CDK6: variants seen among roughly 807,000 people sequenced by gnomAD.
CDK6 encodes cyclin dependent kinase 6.
In CDK6, 6 loss-of-function variants were observed where a neutral mutation model predicts 37.1. The ratio of observed to expected loss-of-function variants is 0.16; its 90% CI spans 0.09 to 0.32. The LOEUF (loss-of-function observed/expected upper bound fraction) is 0.32. CDK6 is among the 10% of genes least tolerant of loss of function. The pLI, the probability that CDK6 is intolerant of heterozygous loss-of-function variation, is 1.00. For missense variants in CDK6, 224 were observed against 418.9 expected (o/e 0.53, Z 4.06); for synonymous variants, 160 against 161.3 (o/e 0.99, Z 0.06).
intron 3 of CDK6, among the ~76,000 whole-genome samples, chr7:92,760,228 T>C (rs140629958): frequency 4.6e-5 from 7 of 152,322 alleles, no homozygotes; most frequent in African/African-American, 1.7e-4. Context: ...TATTTAATGG[T>C]AAAATGTTTG....
In CDK6 at chr7:92,827,466, C is replaced by T. The variant is rs186813993; in HGVS notation, c.233+5625G>A. Among the ~76,000 whole-genome samples, 32 of 152,258 alleles carry T rather than the reference C, an allele frequency of 2.1e-4. No homozygotes were observed. In the East Asian group the frequency reaches 6.0e-3, roughly 28 times the overall value. ...CCTGCCACATGCCTTGCAGTCCCTCCGGTTCACCTCTCAGGCAAGAGCAGC... is the reference window on the plus strand; with the variant it reads ...CCTGCCACATGCCTTGCAGTCCCTCTGGTTCACCTCTCAGGCAAGAGCAGC... On this transcript the variant is annotated intron_variant, in intron 2 of 7. Coordinates refer to ENST00000424848, the MANE Select transcript of CDK6 (RefSeq NM_001145306.2).
intron 2 of CDK6, among the ~76,000 whole-genome samples, chr7:92,815,120 G>A (rs533768679): frequency 3.4e-4 from 51 of 152,178 alleles, no homozygotes; most frequent in Non-Finnish European, 6.5e-4. Flanking sequence ...ATTCAGGGGA[G>A]TCAACTAAAT....
intron 2 of CDK6, among the ~76,000 whole-genome samples, chr7:92,777,807 A>G (rs1312379014): frequency 6.6e-6 from 1 of 152,206 alleles, no homozygotes; most frequent in African/African-American, 2.4e-5. Flanking sequence ...CATTGAATAT[A>G]TAAATTACTT....
At chr7:92,670,804 C>A (rs1797056084) in intron 5 of CDK6, among the ~76,000 whole-genome samples, 1 of 152,228 alleles carries the variant, frequency 6.6e-6, no homozygotes, top group Admixed American at 6.5e-5. Context: ...CCCCAATCCA[C>A]TCTTCAGATA....
intron 2 of CDK6, among the ~76,000 whole-genome samples, chr7:92,792,033 G>T (rs1800296814): frequency 6.6e-6 from 1 of 152,122 alleles, no homozygotes; most frequent in African/African-American, 2.4e-5. Context: ...GTGTCACTTG[G>T]AAATACTACT....
intron 2 of CDK6, among the ~76,000 whole-genome samples, chr7:92,788,608 C>T (rs1336763460): frequency 6.6e-6 from 1 of 152,128 alleles, no homozygotes; most frequent in African/African-American, 2.4e-5. Context: ...ATTATGATCA[C>T]TTATTTGAGT....
chr7:92,647,028 C>T (rs1456327603), intron 5 of CDK6, among the ~76,000 whole-genome samples: 1 of 152,134 alleles, frequency 6.6e-6, no homozygotes, highest in Non-Finnish European at 1.5e-5. Flanking sequence ...TTGAAAAAGG[C>T]AAGGAGCAAA....
At chr7:92,819,274 T>A (rs1052294880) in intron 2 of CDK6, among the ~76,000 whole-genome samples, 1 of 152,028 alleles carries the variant, frequency 6.6e-6, no homozygotes, top group African/African-American at 2.4e-5. Flanking sequence ...ACACTATCAA[T>A]GAAAGCCAGA....
rs578123537 is a variant in CDK6, at chr7:92,609,272, T to C, written c.*5868A>G. On this transcript the variant is annotated 3_prime_UTR_variant, in exon 8 of 8. Coordinates refer to ENST00000424848, the MANE Select transcript of CDK6 (RefSeq NM_001145306.2). ...CCTACTAAATTTCAAGTGACACTGC[T>C]GTGAGAAAGGTGACCTCTAAAATTA... 4.9e-4 allele frequency: 114 copies of C among 232,774 alleles called. No individual in the cohort carries two copies. Among genetic ancestry groups the C allele is most frequent in the African/African-American group, 2.2e-3 (102 of 45,438 alleles). The allele number at this position is 232,774 out of a possible 1,614,324, so 14.4% of individuals were successfully genotyped here.
intron 2 of CDK6, among the ~76,000 whole-genome samples, chr7:92,780,308 C>G (rs1049510913): frequency 6.6e-6 from 1 of 152,140 alleles, no homozygotes; most frequent in African/African-American, 2.4e-5. Flanking sequence ...TCATATACAA[C>G]AACTGAGCTA....
intron 4 of CDK6, among the ~76,000 whole-genome samples, chr7:92,707,567 C>T (rs1213731529): frequency 6.6e-6 from 1 of 152,082 alleles, no homozygotes; most frequent in African/African-American, 2.4e-5. Flanking sequence ...AAGTGAGAAA[C>T]AAGGGAAGAA....
chr7:92,825,075 A>G (rs1171411892), intron 2 of CDK6, among the ~76,000 whole-genome samples: 2 of 152,132 alleles, frequency 1.3e-5, no homozygotes, highest in Admixed American at 6.5e-5. Flanking sequence ...TGATCAACTC[A>G]TAGTTCATTC....
At chr7:92,738,396 T>C (rs547115022) in intron 3 of CDK6, among the ~76,000 whole-genome samples, 1 of 152,206 alleles carries the variant, frequency 6.6e-6, no homozygotes, top group East Asian at 1.9e-4. Context: ...TCCCAGCACT[T>C]TGGGAGGCCA....
chr7:92,624,090 T>A (rs542740443), intron 5 of CDK6, among the ~76,000 whole-genome samples: 11 of 152,156 alleles, frequency 7.2e-5, no homozygotes, highest in Non-Finnish European at 1.6e-4. Flanking sequence ...ATATGGAGAA[T>A]CCTGCAGTCA....
At chr7:92,751,860 TAA>T (rs920426544) in intron 3 of CDK6, among the ~76,000 whole-genome samples, 71 of 152,248 alleles carry the variant, frequency 4.7e-4, no homozygotes, top group South Asian at 2.1e-3. Flanking sequence ...TTTATACACT[TAA>T]GAGGATTATA....
At chr7:92,739,222 T>C (rs1481432229) in intron 3 of CDK6, among the ~76,000 whole-genome samples, 2 of 152,186 alleles carry the variant, frequency 1.3e-5, no homozygotes, top group Non-Finnish European at 2.9e-5. Flanking sequence ...AAATTCTGCC[T>C]CCACCCCTCA....
intron 5 of CDK6, among the ~76,000 whole-genome samples, chr7:92,645,095 A>G (rs1796414703): frequency 2.0e-5 from 3 of 152,208 alleles, no homozygotes. Context: ...AAAAGTACAC[A>G]CCCCAGGTGC....
chr7:92,781,249 CT>C (rs1446499914), intron 2 of CDK6, among the ~76,000 whole-genome samples: 2 of 152,354 alleles, frequency 1.3e-5, no homozygotes, highest in African/African-American at 4.8e-5. Context: ...AAAGTAAGTT[CT>C]CTTGCTGTCT....
At chr7:92,739,360 C>A (rs947895791) in intron 3 of CDK6, among the ~76,000 whole-genome samples, 1 of 152,208 alleles carries the variant, frequency 6.6e-6, no homozygotes, top group Non-Finnish European at 1.5e-5. Context: ...ACACATGCTT[C>A]CTGCTATGTT....
Sources: allele counts gnomAD v4.1 joint callset (sites outside exome capture counted in the v4.1 genomes callset), GRCh38; gene constraint gnomAD v4.1.1; transcripts MANE v1.5; gene names NCBI Gene and HGNC (gene_info 2026-07-23, HGNC 2026-07-21).